SGTA: variants seen among roughly 807,000 people sequenced by gnomAD.
The protein encoded by SGTA is small glutamine rich tetratricopeptide repeat co-chaperone alpha.
SGTA carries 22 observed loss-of-function variants against 44.3 expected under a neutral mutation model. The ratio of observed to expected loss-of-function variants is 0.50; its 90% CI spans 0.36 to 0.71. The LOEUF is 0.71. Ranked by LOEUF, SGTA falls within the 30% of genes least tolerant of loss-of-function variation. SGTA has a pLI of 0.00. For missense variants in SGTA, 341 were observed against 435.9 expected (o/e 0.78, Z 1.94); for synonymous variants, 174 against 177.6 (o/e 0.98, Z 0.16).
intron 8 of SGTA, among the ~76,000 whole-genome samples, chr19:2,760,193 T>C (rs1472186081): frequency 1.3e-5 from 2 of 151,886 alleles, no homozygotes; most frequent in African/African-American, 4.8e-5. Flanking sequence ...CCAGTGACAC[T>C]AGGTGTATGA....
intron 1 of SGTA, among the ~76,000 whole-genome samples, chr19:2,775,026 G>A (rs1476938681): frequency 6.6e-6 from 1 of 152,224 alleles, no homozygotes; most frequent in East Asian, 1.9e-4. Context: ...CCCAGAGGAT[G>A]ATCCGGCCTC....
In SGTA at chr19:2,763,356, G is replaced by A. The variant is rs117850733; in HGVS notation, c.497+297C>T. 3.2e-4 allele frequency among the ~76,000 whole-genome samples: 48 copies of A among 152,240 alleles called. No individual in the cohort carries two copies. In the East Asian group the frequency reaches 7.9e-3, roughly 25 times the overall value. On this transcript the variant is annotated intron_variant, in intron 6 of 11. Transcript: ENST00000221566. This position sits in a 1 kb window ranked among gnomAD's most constrained non-coding sequence, Gnocchi z 5.8. Reference sequence around the variant, plus strand: ...GGTGCTTCCCTGAGCTCTGTGAGCCGCCCCAGCAAACAATGGAGCCTGAGT... The same window carrying A: ...GGTGCTTCCCTGAGCTCTGTGAGCCACCCCAGCAAACAATGGAGCCTGAGT...
Position 2,765,986 on chromosome 19 carries a change from A to T in SGTA, c.293-701T>A, listed in dbSNP as rs1445756119. ...ATAATCCCAGCACTTTGGGAGGCCGACGCAGGCGGATCGCAAGATCAGGAG... is the reference window on the plus strand; with the variant it reads ...ATAATCCCAGCACTTTGGGAGGCCGTCGCAGGCGGATCGCAAGATCAGGAG... On this transcript the variant is annotated intron_variant, in intron 4 of 11. Coordinates refer to ENST00000221566, the MANE Select transcript of SGTA (RefSeq NM_003021.4). The surrounding 1 kb of genome is among the most constrained non-coding windows in gnomAD (Gnocchi z 5.5). 1.3e-5 allele frequency among the ~76,000 whole-genome samples: 2 copies of T among 152,222 alleles called. No individual in the cohort carries two copies. Among genetic ancestry groups the T allele is most frequent in the Non-Finnish European group, 2.9e-5 (2 of 68,044 alleles).
At position 2,767,760 on chromosome 19, in the gene SGTA, G is replaced by T. The variant is rs1451708167; in HGVS notation, c.101-74C>A. 2 of 1,155,714 alleles carry T rather than the reference G, an allele frequency of 1.7e-6. No homozygotes were observed. Among genetic ancestry groups the T allele is most frequent in the Non-Finnish European group, 2.6e-6 (2 of 772,478 alleles). The allele number at this position is 1,155,714 out of a possible 1,614,324, so 71.6% of individuals were successfully genotyped here. A position where few individuals can be genotyped will look rare whatever the true frequency, so the allele number is the denominator to read the frequency against. ...TTACGTTTTTGGGTCTAGAGGGCGG[G>T]GTTGGTGCTCATGCTTCCCCAGGTG... On this transcript the variant is annotated intron_variant, in intron 2 of 11. Coordinates refer to ENST00000221566, the MANE Select transcript of SGTA (RefSeq NM_003021.4). This position sits in a 1 kb window ranked among gnomAD's most constrained non-coding sequence, Gnocchi z 7.3.
At chr19:2,774,105 C>A (rs1033705263) in intron 1 of SGTA, among the ~76,000 whole-genome samples, 1 of 152,202 alleles carries the variant, frequency 6.6e-6, no homozygotes, top group Admixed American at 6.5e-5. Context: ...GACTGAGAGA[C>A]GATGAACTCT....
intron 1 of SGTA, chr19:2,777,590 A>G (rs1915471307): frequency 6.6e-6 from 1 of 152,066 alleles, no homozygotes; most frequent in African/African-American, 2.4e-5. Context: ...GGTCTTTGAG[A>G]TGAGGGTCAC....
rs1914796623 is a variant in SGTA at position 2,755,519 on chromosome 19, G to GGC, written c.*420_*421insGC. The stretch of plus-strand genomic sequence containing the variant: ...AAAGAGGCTTCTCACAGACGGGAGA[G>GGC]TTCCTGCAGACAGACCACGGGATGG... On this transcript the variant is annotated 3_prime_UTR_variant, in exon 12 of 12. Transcript: ENST00000221566. This position sits in a 1 kb window ranked among gnomAD's most constrained non-coding sequence, Gnocchi z 5.2. 2.0e-6 allele frequency: 2 copies of GGC among 986,456 alleles called. No homozygotes were observed. The highest frequency in any genetic ancestry group is 2.3e-4 in the East Asian group (2 of 8,834). 61.1% of individuals were successfully genotyped at this position (986,456 alleles called of 1,614,324 possible). A position where few individuals can be genotyped will look rare whatever the true frequency, so the allele number is the denominator to read the frequency against.
rs1200552721 is a variant in SGTA at position 2,761,478 on chromosome 19, G to T, written c.681C>A (p.Asn227Lys). 1 of 1,551,664 alleles carries T rather than the reference G, an allele frequency of 6.4e-7. No individual in the cohort carries two copies. Reference protein sequence around the residue: ...GSFDIAGLLNNPGFMSMASNL... With the variant: ...GSFDIAGLLNKPGFMSMASNL... ...CCGTTACCATGCTCATGAAGCCAGG[G>T]TTGTTCAGCAGGCCGGCGATGTCGA... Residue 227 changes from asparagine to lysine, a missense_variant, in exon 8 of 12, where the codon AAC becomes AAA. Transcript: ENST00000221566. The surrounding 1 kb of genome is among the most constrained non-coding windows in gnomAD (Gnocchi z 5.7).
In SGTA at chr19:2,755,617, T is replaced by C. The variant is rs1914801279; in HGVS notation, c.*323A>G. ...GGCTGAACGTGAAACCTGCCACTTC[T>C]CTGAGAGCGGCCCGGGAGCACCCCA... On this transcript the variant is annotated 3_prime_UTR_variant, in exon 12 of 12. Coordinates refer to ENST00000221566, the MANE Select transcript of SGTA (RefSeq NM_003021.4). The surrounding 1 kb of genome is among the most constrained non-coding windows in gnomAD (Gnocchi z 5.2). 1.0e-6 allele frequency: 1 copy of C among 985,438 alleles called. No individual in the cohort carries two copies. The allele number at this position is 985,438 out of a possible 1,614,324, so 61.0% of individuals were successfully genotyped here. A position where few individuals can be genotyped will look rare whatever the true frequency, so the allele number is the denominator to read the frequency against.
At chr19:2,759,157 T>C (rs2144719846) in intron 9 of SGTA, 100 bp downstream of exon 9, 1 of 1,076,666 alleles carries the variant, frequency 9.3e-7, no homozygotes, top group Non-Finnish European at 1.4e-6. Context: ...GCCATTAAGT[T>C]GCACACTTTA....
At chr19:2,774,982 G>T (rs1915411503) in intron 1 of SGTA, among the ~76,000 whole-genome samples, 1 of 152,232 alleles carries the variant, frequency 6.6e-6, no homozygotes, top group Non-Finnish European at 1.5e-5. Context: ...CAGGGACGCT[G>T]CTCAGTGCCC....
intron 1 of SGTA, among the ~76,000 whole-genome samples, chr19:2,774,366 G>A (rs746813021): frequency 6.6e-6 from 1 of 152,190 alleles, no homozygotes; most frequent in Non-Finnish European, 1.5e-5. Flanking sequence ...GTGGCCGAGG[G>A]ACACGGAGGG....
intron 1 of SGTA, chr19:2,770,777 G>C (rs1406541700): frequency 6.5e-6 from 1 of 153,164 alleles, no homozygotes; most frequent in Non-Finnish European, 1.5e-5. Flanking sequence ...GCCACACGAA[G>C]AGAGGTGAGG....
At chr19:2,779,262 T>A (rs1266940268) in intron 1 of SGTA, among the ~76,000 whole-genome samples, 2 of 152,036 alleles carry the variant, frequency 1.3e-5, no homozygotes, top group East Asian at 3.9e-4. Flanking sequence ...GAACTGCGGG[T>A]CCACGGTGGA....
chr19:2,774,085 C>T (rs928924656), intron 1 of SGTA, among the ~76,000 whole-genome samples: 4 of 152,334 alleles, frequency 2.6e-5, no homozygotes, highest in East Asian at 1.9e-4. Context: ...CATGGACTTC[C>T]GGCCTCCAGG....
At chr19:2,780,000 G>A (rs1264397148) in intron 1 of SGTA, among the ~76,000 whole-genome samples, 2 of 152,080 alleles carry the variant, frequency 1.3e-5, no homozygotes, top group Non-Finnish European at 2.9e-5. Flanking sequence ...GAGGCGAGAG[G>A]ATTGTTTAAG....
At chr19:2,775,250 T>C (rs570033156) in intron 1 of SGTA, among the ~76,000 whole-genome samples, 1 of 152,270 alleles carries the variant, frequency 6.6e-6, no homozygotes, top group East Asian at 1.9e-4. Flanking sequence ...GCCCCCACAC[T>C]CAAGATCAGA....
Position 2,763,688 on chromosome 19 carries a change from A to C in SGTA, c.462T>G (p.Ile154Met). The C allele has an allele frequency of 6.2e-7, 1 of 1,613,830 alleles. No homozygotes were observed. The change falls in exon 6 of 12, where the codon ATT (isoleucine) becomes ATG (methionine). Residue 154 changes from isoleucine (I) to methionine (M), a missense_variant. By Grantham distance (10) the Ile-to-Met change is conservative. Transcript: ENST00000221566. This position sits in a 1 kb window ranked among gnomAD's most constrained non-coding sequence, Gnocchi z 5.8. ...AVQDCERAIC[I>M]DPAYSKAYGR... ...CGTAGGCCTTGCTGTAGGCCGGGTC[A>C]ATGCAGATGGCCCGCTCACAGTCCT...
chr19:2,757,848 G>A (rs984920995), intron 9 of SGTA, 66 bp from the exon 10 acceptor site: 22 of 1,081,096 alleles, frequency 2.0e-5, no homozygotes, highest in Non-Finnish European at 2.6e-5. Flanking sequence ...GCAGGCCCTC[G>A]CAGTGGCCCG....
Sources: gnomAD v4.1 joint callset for allele counts (sites outside exome capture counted in the v4.1 genomes callset) on GRCh38, gnomAD v4.1.1 for gene constraint, Gnocchi (gnomAD v3.1) non-coding constraint, MANE v1.5 for transcripts, NCBI Gene and HGNC (gene_info 2026-07-23, HGNC 2026-07-21) for gene names.